The following ATF1 variants were observed in gnomAD, a reference collection of about 807,000 sequenced individuals.
ATF1 encodes cyclic AMP-dependent transcription factor ATF-1.
In ATF1, 16 loss-of-function variants were observed where a neutral mutation model predicts 34.7. The ratio of observed to expected loss-of-function variants is 0.46; its 90% CI spans 0.31 to 0.70. The LOEUF is 0.70. ATF1 is among the 30% of genes least tolerant of loss of function. ATF1 has a pLI of 0.05. For missense variants in ATF1, 255 were observed against 321.6 expected (o/e 0.79, Z 1.58); for synonymous variants, 105 against 113.1 (o/e 0.93, Z 0.46).
chr12:50,782,631 G>A (rs967414628), intron 2 of ATF1, among the ~76,000 whole-genome samples: 14 of 143,692 alleles, frequency 9.7e-5, no homozygotes, highest in African/African-American at 3.6e-4. Flanking sequence ...CTGGGCTCAA[G>A]TGATCCTCAG....
chr12:50,765,533 G>GT (rs889930363), intron 1 of ATF1, among the ~76,000 whole-genome samples: 7 of 151,938 alleles, frequency 4.6e-5, no homozygotes, highest in African/African-American at 1.7e-4. Context: ...TTGTTTGTTT[G>GT]TTTTTAAATA....
intron 1 of ATF1, chr12:50,764,737 C>T (rs1940586806): frequency 6.6e-6 from 1 of 152,282 alleles, no homozygotes; most frequent in South Asian, 2.1e-4. Flanking sequence ...AACCCCGCGA[C>T]AGGGTCCTCG....
chr12:50,813,803 G>A (rs1941785407), intron 4 of ATF1, among the ~76,000 whole-genome samples: 2 of 141,680 alleles, frequency 1.4e-5, no homozygotes, highest in African/African-American at 2.7e-5. Flanking sequence ...GGTAGAGCGA[G>A]ACTCCATCTC....
rs1941934325 is a variant in ATF1, at chr12:50,820,756, A to G, written c.*977A>G. 1 of 179,548 alleles carries G rather than the reference A, an allele frequency of 5.6e-6. No individual in the cohort carries two copies. The highest frequency in any genetic ancestry group is 1.2e-5 in the Non-Finnish European group (1 of 83,580). The allele number at this position is 179,548 out of a possible 1,614,324, so 11.1% of individuals were successfully genotyped here. Reference sequence around the variant, plus strand: ...TTATTAAGGCAATTTTATGTTAGAGACTATTTTGTAATGTAGTGAGTGGTA... The same window carrying G: ...TTATTAAGGCAATTTTATGTTAGAGGCTATTTTGTAATGTAGTGAGTGGTA... On this transcript the variant is annotated 3_prime_UTR_variant, in exon 7 of 7. Transcript: ENST00000262053.
At chr12:50,805,655 A>G (rs1941602037) in intron 3 of ATF1, among the ~76,000 whole-genome samples, 1 of 150,972 alleles carries the variant, frequency 6.6e-6, no homozygotes, top group Non-Finnish European at 1.5e-5. Context: ...AAGTCTCCTT[A>G]TTAATATTTT....
chr12:50,809,357 A>C, intron 3 of ATF1, 99 bp from the exon 4 acceptor site: 1 of 1,113,574 alleles, frequency 9.0e-7, no homozygotes, highest in Non-Finnish European at 1.2e-6. Flanking sequence ...CTGGGTGACA[A>C]AGCAAGATCT....
intron 3 of ATF1, among the ~76,000 whole-genome samples, chr12:50,806,135 A>G (rs896529249): frequency 6.6e-6 from 1 of 151,874 alleles, no homozygotes; most frequent in South Asian, 2.1e-4. Flanking sequence ...GGGCAACAAA[A>G]GCGAAACTGT....
intron 2 of ATF1, among the ~76,000 whole-genome samples, chr12:50,792,681 A>C (rs1241999586): frequency 6.6e-6 from 1 of 152,186 alleles, no homozygotes; most frequent in Non-Finnish European, 1.5e-5. Flanking sequence ...AAGTTTTAGA[A>C]TTTCTAGTTT....
intron 6 of ATF1, among the ~76,000 whole-genome samples, chr12:50,819,359 C>T (rs1941903158): frequency 6.6e-6 from 1 of 152,032 alleles, no homozygotes; most frequent in African/African-American, 2.4e-5. Flanking sequence ...AAAATCAAAA[C>T]GATAGTTGCT....
intron 1 of ATF1, among the ~76,000 whole-genome samples, chr12:50,776,493 T>TAAA (rs771176201): frequency 3.4e-5 from 4 of 116,866 alleles, no homozygotes; most frequent in African/African-American, 1.3e-4. Context: ...ACCCTGTCTT[T>TAAA]AAAAAAAAAA....
chr12:50,771,866 T>G (rs968226761), intron 1 of ATF1, among the ~76,000 whole-genome samples: 1 of 152,136 alleles, frequency 6.6e-6, no homozygotes, highest in African/African-American at 2.4e-5. Flanking sequence ...ACCAGCGCCA[T>G]GACAGTTCAC....
chr12:50,781,382 G>C (rs1369070516), intron 2 of ATF1, among the ~76,000 whole-genome samples: 1 of 152,168 alleles, frequency 6.6e-6, no homozygotes, highest in Non-Finnish European at 1.5e-5. Context: ...TGAATCCACA[G>C]ATGTGAAACT....
intron 2 of ATF1, among the ~76,000 whole-genome samples, chr12:50,784,790 G>T (rs1941146562): frequency 6.6e-6 from 1 of 152,134 alleles, no homozygotes; most frequent in South Asian, 2.1e-4. Context: ...GGTAGCTGGG[G>T]TAGTGATGAG....
intron 4 of ATF1, among the ~76,000 whole-genome samples, chr12:50,810,117 G>C (rs1208852307): frequency 6.6e-6 from 1 of 151,958 alleles, no homozygotes; most frequent in Non-Finnish European, 1.5e-5. Context: ...ATAGACATGA[G>C]CCACTGCGCC....
chr12:50,791,632 A>G (rs928112965), intron 2 of ATF1, among the ~76,000 whole-genome samples: 1 of 152,148 alleles, frequency 6.6e-6, no homozygotes, highest in African/African-American at 2.4e-5. Context: ...GCAGGAAGGA[A>G]GCTTACTTTC....
intron 3 of ATF1, among the ~76,000 whole-genome samples, chr12:50,801,762 C>T (rs1941516256): frequency 6.6e-6 from 1 of 152,048 alleles, no homozygotes; most frequent in Non-Finnish European, 1.5e-5. Flanking sequence ...GACAAAAATC[C>T]AGTTACCATT....
chr12:50,764,057 C>T (rs1045637343), upstream of ATF1: 9 of 149,456 alleles, frequency 6.0e-5, no homozygotes, highest in Admixed American at 4.6e-4. Flanking sequence ...CCTCCCCTCC[C>T]CCGCCCCCGC....
At chr12:50,812,587 T>G (rs762378725) in intron 4 of ATF1, among the ~76,000 whole-genome samples, 1 of 152,218 alleles carries the variant, frequency 6.6e-6, no homozygotes, top group Non-Finnish European at 1.5e-5. Flanking sequence ...ATCCCTGCAC[T>G]TTGGGAGGCC....
intron 4 of ATF1, among the ~76,000 whole-genome samples, chr12:50,813,093 A>G (rs913602262): frequency 6.6e-6 from 1 of 152,328 alleles, no homozygotes; most frequent in Non-Finnish European, 1.5e-5. Flanking sequence ...GAATAATGCT[A>G]AAATGTTTTC....
Sources: allele counts gnomAD v4.1 joint callset (sites outside exome capture counted in the v4.1 genomes callset), GRCh38; gene constraint gnomAD v4.1.1; transcripts MANE v1.5; gene names NCBI Gene and HGNC (gene_info 2026-07-23, HGNC 2026-07-21).